FAM53B: variants seen among roughly 807,000 people sequenced by gnomAD.
FAM53B encodes protein FAM53B.
Under a neutral mutation model 32.7 loss-of-function variants are expected in FAM53B, and 12 were observed. The ratio of observed to expected loss-of-function variants is 0.37; its 90% confidence interval spans 0.24 to 0.59. The LOEUF (loss-of-function observed/expected upper bound fraction) is 0.59. FAM53B is among the 20% of genes least tolerant of loss of function. The pLI is 0.72. For missense variants in FAM53B, 477 were observed against 577.7 expected, an observed-to-expected ratio of 0.83 and a Z score of 1.79; for synonymous variants, 234 against 228.7, an observed-to-expected ratio of 1.02 and a Z score of -0.21.
chr10:124,648,179 G>A (rs1451769953), intron 4 of FAM53B, among the ~76,000 whole-genome samples: 3 of 152,240 alleles, frequency 2.0e-5, no homozygotes, highest in Non-Finnish European at 4.4e-5. Flanking sequence ...GCTTCTGGGA[G>A]GAAACCAAGA....
At chr10:124,712,692 G>T (rs1234076712) in intron 1 of FAM53B, among the ~76,000 whole-genome samples, 1 of 152,100 alleles carries the variant, frequency 6.6e-6, no homozygotes, top group Non-Finnish European at 1.5e-5. Flanking sequence ...CACAGCTAGG[G>T]CTACCCAATA....
intron 1 of FAM53B, among the ~76,000 whole-genome samples, chr10:124,739,486 T>C (rs1564892677): frequency 6.6e-6 from 1 of 152,230 alleles, no homozygotes; most frequent in Non-Finnish European, 1.5e-5. Context: ...GAAGAATCTG[T>C]TTCTTTGTTT....
chr10:124,627,076 T>C (rs1326610126), intron 4 of FAM53B, among the ~76,000 whole-genome samples: 1 of 152,220 alleles, frequency 6.6e-6, no homozygotes, highest in African/African-American at 2.4e-5. Flanking sequence ...GAGAATTCCG[T>C]TGACTCAAAA....
chr10:124,729,293 G>A (rs903450959), intron 1 of FAM53B, among the ~76,000 whole-genome samples: 4 of 152,198 alleles, frequency 2.6e-5, no homozygotes, highest in Admixed American at 2.0e-4. Flanking sequence ...AGGAGTGGCT[G>A]GCTAGAGGCA....
chr10:124,654,963 G>C (rs1277104471), intron 4 of FAM53B, among the ~76,000 whole-genome samples: 3 of 152,214 alleles, frequency 2.0e-5, no homozygotes, highest in Non-Finnish European at 4.4e-5. Context: ...TTTGCCAACA[G>C]CCAAGACTGC....
Position 124,701,848 on chromosome 10 carries a change from C to CT in FAM53B, c.78+4787dup, listed in dbSNP as rs369468320. 3.2e-3 allele frequency among the ~76,000 whole-genome samples: 490 copies of CT among 152,326 alleles called. 7 individuals carry two copies. The highest frequency in any genetic ancestry group is 0.011 in the African/African-American group (462 of 41,568). On this transcript the variant is annotated intron_variant, in intron 2 of 4. Coordinates refer to ENST00000337318, the MANE Select transcript of FAM53B (RefSeq NM_014661.4). ...GCAAAATGCTGAGCACTGGTCAGTCCTTTTTTTCCCTTTTTCCCACATCTT... is the reference window on the plus strand; with the variant it reads ...GCAAAATGCTGAGCACTGGTCAGTCCTTTTTTTTCCCTTTTTCCCACATCTT...
intron 3 of FAM53B, among the ~76,000 whole-genome samples, chr10:124,686,942 C>G (rs560302344): frequency 6.6e-6 from 1 of 152,208 alleles, no homozygotes; most frequent in Admixed American, 6.5e-5. Flanking sequence ...GACAGAGTCA[C>G]GTCTAAAATA....
chr10:124,655,093 G>A (rs971335061), intron 4 of FAM53B, among the ~76,000 whole-genome samples: 3 of 152,126 alleles, frequency 2.0e-5, no homozygotes, highest in African/African-American at 4.8e-5. Context: ...TCCAGGGCCC[G>A]GGGCTGCCTC....
At chr10:124,732,822 T>TC (rs1950152802) in intron 1 of FAM53B, among the ~76,000 whole-genome samples, 1 of 148,868 alleles carries the variant, frequency 6.7e-6, no homozygotes, top group Non-Finnish European at 1.5e-5. Flanking sequence ...AGAGTGAGAC[T>TC]CCATCACAAA....
At chr10:124,658,609 A>T (rs1341964607) in intron 4 of FAM53B, among the ~76,000 whole-genome samples, 1 of 152,234 alleles carries the variant, frequency 6.6e-6, no homozygotes, top group Non-Finnish European at 1.5e-5. Context: ...CCTGGAGAAC[A>T]GCAAACTACC....
intron 1 of FAM53B, among the ~76,000 whole-genome samples, chr10:124,741,649 A>T (rs1158382487): frequency 6.6e-6 from 1 of 152,208 alleles, no homozygotes; most frequent in Non-Finnish European, 1.5e-5. Flanking sequence ...CTAGCGGGGC[A>T]GTGAGAGAAT....
chr10:124,626,931 C>T (rs573311315), intron 4 of FAM53B, among the ~76,000 whole-genome samples: 3 of 152,236 alleles, frequency 2.0e-5, no homozygotes, highest in African/African-American at 4.8e-5. Flanking sequence ...TAATTGGGCC[C>T]TTTCTGCTGT....
intron 1 of FAM53B, among the ~76,000 whole-genome samples, chr10:124,725,479 T>A (rs1226160879): frequency 1.3e-5 from 2 of 152,278 alleles, no homozygotes; most frequent in Non-Finnish European, 2.9e-5. Context: ...AGCCTTGGAC[T>A]GACGGCAGTG....
At chr10:124,672,381 C>T (rs1351827457) in intron 4 of FAM53B, among the ~76,000 whole-genome samples, 1 of 152,272 alleles carries the variant, frequency 6.6e-6, no homozygotes, top group Non-Finnish European at 1.5e-5. Flanking sequence ...CCTGATGTCC[C>T]GGATCAGGAA....
At chr10:124,647,114 G>A (rs1044606190) in intron 4 of FAM53B, among the ~76,000 whole-genome samples, 10 of 152,216 alleles carry the variant, frequency 6.6e-5, no homozygotes, top group African/African-American at 9.6e-5. Flanking sequence ...GATGCACAGC[G>A]AGGCATCGGG....
chr10:124,718,892 T>C (rs1269005237), intron 1 of FAM53B, among the ~76,000 whole-genome samples: 1 of 151,886 alleles, frequency 6.6e-6, no homozygotes, highest in Non-Finnish European at 1.5e-5. Flanking sequence ...TATAAAAAAT[T>C]TAAAAAATAG....
At chr10:124,635,698 G>A (rs1269563018) in intron 4 of FAM53B, among the ~76,000 whole-genome samples, 3 of 152,120 alleles carry the variant, frequency 2.0e-5, no homozygotes, top group Non-Finnish European at 4.4e-5. Context: ...CAATGGGAAC[G>A]GACCCTGCAG....
intron 4 of FAM53B, among the ~76,000 whole-genome samples, chr10:124,669,777 G>C (rs1034009504): frequency 6.6e-6 from 1 of 152,166 alleles, no homozygotes; most frequent in Non-Finnish European, 1.5e-5. Context: ...CCCACTCACC[G>C]CTCTGCCACG....
At chr10:124,721,730 G>C (rs1175751127) in intron 1 of FAM53B, among the ~76,000 whole-genome samples, 2 of 152,224 alleles carry the variant, frequency 1.3e-5, no homozygotes, top group African/African-American at 2.4e-5. Flanking sequence ...TAACCTGCCT[G>C]TGTCCTCGTG....
Sources: allele counts gnomAD v4.1 joint callset (sites outside exome capture counted in the v4.1 genomes callset), GRCh38; gene constraint gnomAD v4.1.1; transcripts MANE v1.5; gene names NCBI Gene and HGNC (gene_info 2026-07-23, HGNC 2026-07-21).